ADCY9: variants seen among roughly 807,000 people sequenced by gnomAD.
ADCY9 encodes adenylate cyclase type 9.
A neutral mutation model predicts 101.5 loss-of-function variants in ADCY9; 50 were observed. That is an observed-to-expected ratio of 0.49 (90% CI 0.39 to 0.62). ADCY9 has a LOEUF of 0.62. Ranked by LOEUF, ADCY9 falls within the 20% of genes least tolerant of loss-of-function variation. The pLI is 0.00. For synonymous variants in ADCY9, 905 were observed against 769.3 expected, an observed-to-expected ratio of 1.18 and a Z score of -2.92; for missense variants, 1,662 against 1,800.4, an observed-to-expected ratio of 0.92 and a Z score of 1.39.
intron 9 of ADCY9, 140 bp from the exon 10 acceptor site, chr16:3,974,850 C>G (rs978669563): frequency 2.0e-5 from 13 of 634,884 alleles, no homozygotes; most frequent in Non-Finnish European, 3.7e-5. Flanking sequence ...GCTCCCACCT[C>G]TTTCTTCACA....
rs1436683498 is a variant in ADCY9 at position 4,114,763 on chromosome 16, C to A, written c.680G>T (p.Cys227Phe). 6.2e-7 allele frequency: 1 copy of A among 1,613,234 alleles called. No homozygotes were observed. Among genetic ancestry groups the A allele is most frequent in the East Asian group, 2.2e-5 (1 of 44,892 alleles). ...ATAGAGCAAAAAGAGCACTTCGATG[C>A]ACATGGAGAAGCTCCCCACTTGAGA... is the stretch of plus-strand genomic sequence containing the variant. ...CLSQVGSFSMCIEVLFLLYTV... is the reference protein window; with the variant it reads ...CLSQVGSFSMFIEVLFLLYTV... The change falls in exon 2 of 11, where the codon TGC becomes TTC. Residue 227 changes from cysteine to phenylalanine, a missense_variant. Cys to Phe is a radical substitution (Grantham distance 205). Around this residue, in one of 5 missense-constraint regions of ADCY9, gnomAD observed 422 missense variants for 392.0 expected, o/e 1.08. Coordinates refer to ENST00000294016, the MANE Select transcript of ADCY9 (RefSeq NM_001116.4). This position sits in a 1 kb window ranked among gnomAD's most constrained non-coding sequence, Gnocchi z 4.3.
chr16:4,063,096 G>A (rs538340522), intron 2 of ADCY9, among the ~76,000 whole-genome samples: 5 of 152,214 alleles, frequency 3.3e-5, no homozygotes, highest in Admixed American at 1.3e-4. Context: ...TCATGGGCTA[G>A]GTCATAAAAC....
intron 2 of ADCY9, among the ~76,000 whole-genome samples, chr16:4,057,038 GCC>G (rs375745334): frequency 0.6 from 50,482 of 84,424 alleles, 11,852 homozygotes; most frequent in East Asian, 0.72. Flanking sequence ...TGATGAAACC[GCC>G]CCCCCCCCCC....
chr16:4,022,097 G>A (rs2056480991), intron 2 of ADCY9, among the ~76,000 whole-genome samples: 1 of 152,216 alleles, frequency 6.6e-6, no homozygotes, highest in Non-Finnish European at 1.5e-5. Flanking sequence ...CCTAAGGGCA[G>A]GGTGGCACCG....
intron 2 of ADCY9, among the ~76,000 whole-genome samples, chr16:4,056,956 G>A (rs2056742372): frequency 6.6e-6 from 1 of 151,358 alleles, no homozygotes; most frequent in African/African-American, 2.4e-5. Flanking sequence ...TCAGGTGCCA[G>A]GCCTGCCATG....
intron 2 of ADCY9, among the ~76,000 whole-genome samples, chr16:4,071,095 C>T (rs1597207478): frequency 6.6e-6 from 1 of 152,002 alleles, no homozygotes; most frequent in East Asian, 1.9e-4. Context: ...TTTGGGAGGC[C>T]CAGGTGGGCA....
chr16:4,114,385 T>A lies in ADCY9; in HGVS notation c.1058A>T (p.Glu353Val). 1 of 1,614,062 alleles carries A rather than the reference T, an allele frequency of 6.2e-7. No homozygotes were observed. Among genetic ancestry groups the A allele is most frequent in the Non-Finnish European group, 8.5e-7 (1 of 1,180,012 alleles). Residue 353 changes from glutamate (E) to valine (V), a missense_variant, in exon 2 of 11, where the codon GAG becomes GTG. Physicochemically the swap from Glu to Val is moderately radical, Grantham distance 121 (BLOSUM62 -2). This residue lies in a region of ADCY9 where 228 missense variants were observed against 301.1 expected (regional missense o/e 0.76). Transcript: ENST00000294016. The surrounding 1 kb of genome is among the most constrained non-coding windows in gnomAD (Gnocchi z 4.3). ...ATGCCTCTTGACAGAATTCTCACTC[T>A]CCTCATCTCCCTGCTTCATTAAGTC... Reference protein sequence around the residue: ...ADDLMKQGDEESENSVKRHAT... With the variant: ...ADDLMKQGDEVSENSVKRHAT...
intron 10 of ADCY9, among the ~76,000 whole-genome samples, chr16:3,970,358 T>G (rs941635472): frequency 6.6e-6 from 1 of 150,652 alleles, no homozygotes; most frequent in Non-Finnish European, 1.5e-5. Context: ...TTTTCTTTCT[T>G]GCTCTGTTGC....
chr16:4,091,797 T>TG (rs1376023406), intron 2 of ADCY9, among the ~76,000 whole-genome samples: 2 of 152,160 alleles, frequency 1.3e-5, no homozygotes, highest in African/African-American at 4.8e-5. Flanking sequence ...GGCTGCCAGG[T>TG]GCTAGGGCTT....
chr16:3,998,752 AGAAAAGAAAAGAAAAGAAAAG>A (rs2056308333), intron 3 of ADCY9, among the ~76,000 whole-genome samples: 1 of 4,446 alleles, frequency 2.2e-4, no homozygotes, highest in African/African-American at 1.1e-3. Context: ...AAAGAAAGAA[AGAAAAGAAAAGAAAAGAAAAG>A]AAAAGAAAAG....
intron 2 of ADCY9, among the ~76,000 whole-genome samples, chr16:4,026,425 C>CAAAAAA (rs34756033): frequency 1.0e-5 from 1 of 97,752 alleles, no homozygotes; most frequent in Admixed American, 1.2e-4. Flanking sequence ...GACTCCGTCT[C>CAAAAAA]AAAAAAAAAA....
intron 2 of ADCY9, among the ~76,000 whole-genome samples, chr16:4,044,447 C>T (rs1174561783): frequency 6.6e-6 from 1 of 152,058 alleles, no homozygotes; most frequent in Non-Finnish European, 1.5e-5. Flanking sequence ...CATTTTCTTC[C>T]AGGCTATTTA....
At chr16:4,059,151 C>G (rs1441685274) in intron 2 of ADCY9, among the ~76,000 whole-genome samples, 2 of 151,758 alleles carry the variant, frequency 1.3e-5, no homozygotes, top group Non-Finnish European at 1.5e-5. Flanking sequence ...TCTGGGAGGC[C>G]GAGGTGGGCA....
At chr16:4,070,779 C>T (rs945182587) in intron 2 of ADCY9, among the ~76,000 whole-genome samples, 2 of 151,986 alleles carry the variant, frequency 1.3e-5, no homozygotes, top group Non-Finnish European at 2.9e-5. Context: ...CCCATCTACA[C>T]ACAAAAATAC....
At chr16:4,061,871 A>C (rs1041227689) in intron 2 of ADCY9, among the ~76,000 whole-genome samples, 1 of 152,276 alleles carries the variant, frequency 6.6e-6, no homozygotes, top group Admixed American at 6.5e-5. Context: ...AGACAAGTAC[A>C]TATAACAATA....
intron 5 of ADCY9, 105 bp from the exon 6 acceptor site, chr16:3,989,201 C>T: frequency 3.7e-6 from 3 of 806,516 alleles, no homozygotes; most frequent in South Asian, 1.6e-5. Context: ...AGGTATATTA[C>T]AACAGCTGCG....
In ADCY9 at chr16:4,032,308, G is replaced by A. The variant is rs117047765; in HGVS notation, c.1694-24750C>T. Among the ~76,000 whole-genome samples, 733 of 151,548 alleles carry A rather than the reference G, an allele frequency of 4.8e-3. 19 individuals carry two copies. In the East Asian group the frequency reaches 0.083, roughly 17 times the overall value. Reference sequence around the variant, plus strand: ...CATCTCAAAAAAAAAAAGAAAGAACGAAAGAAAGAAAACCAAGAAGAGCAG... The same window carrying A: ...CATCTCAAAAAAAAAAAGAAAGAACAAAAGAAAGAAAACCAAGAAGAGCAG... On this transcript the variant is annotated intron_variant, in intron 2 of 10. Coordinates refer to ENST00000294016, the MANE Select transcript of ADCY9 (RefSeq NM_001116.4).
chr16:4,103,080 A>G (rs2057054091), intron 2 of ADCY9, among the ~76,000 whole-genome samples: 1 of 152,228 alleles, frequency 6.6e-6, no homozygotes, highest in Admixed American at 6.5e-5. Flanking sequence ...CCAGAATCAC[A>G]AAAGATTTTT....
chr16:3,996,396 T>C (rs1274436505), intron 3 of ADCY9, among the ~76,000 whole-genome samples: 1 of 152,118 alleles, frequency 6.6e-6, no homozygotes, highest in African/African-American at 2.4e-5. Context: ...ATGTATATAT[T>C]TGCCAATGAG....
Sources: allele counts gnomAD v4.1 joint callset (sites outside exome capture counted in the v4.1 genomes callset), GRCh38; gene constraint gnomAD v4.1.1; regional missense constraint gnomAD v4.1.1; non-coding constraint Gnocchi (gnomAD v3.1); transcripts MANE v1.5; gene names NCBI Gene and HGNC (gene_info 2026-07-23, HGNC 2026-07-21).